SMYD3: variants seen among roughly 807,000 people sequenced by gnomAD.
SMYD3 encodes the protein SET and MYND domain containing 3, also known as histone-lysine N-methyltransferase SMYD3.
In SMYD3, 36 loss-of-function variants were observed where a neutral mutation model predicts 57.7. The observed-to-expected ratio is 0.62, with a 90% CI of 0.48 to 0.82. The LOEUF is 0.82. SMYD3 is among the 40% of genes least tolerant of loss of function. The probability of loss-of-function intolerance (pLI) is 0.00; values close to 1 mark genes in which losing one functional copy is unlikely to be tolerated. For synonymous variants in SMYD3, 211 were observed against 195.0 expected (o/e 1.08, Z -0.68); for missense variants, 515 against 538.8 (o/e 0.96, Z 0.44).
intron 7 of SMYD3, among the ~76,000 whole-genome samples, chr1:245,920,133 G>GA (rs1297028469): frequency 6.6e-6 from 1 of 152,048 alleles, no homozygotes; most frequent in Admixed American, 6.5e-5. Context: ...CTAACACGGT[G>GA]AAACCCCGTC....
intron 5 of SMYD3, among the ~76,000 whole-genome samples, chr1:246,169,696 G>C (rs911132666): frequency 2.0e-5 from 3 of 152,054 alleles, no homozygotes; most frequent in Admixed American, 6.6e-5. Context: ...CTTAGGTCAG[G>C]AGTTTGAGAC....
intron 5 of SMYD3, among the ~76,000 whole-genome samples, chr1:246,310,661 C>CTTT (rs386370347): frequency 1.4e-4 from 10 of 72,216 alleles, no homozygotes; most frequent in African/African-American, 1.7e-4. Flanking sequence ...AAGAGTAAGG[C>CTTT]TTTTTTTTTT....
At chr1:246,468,216 G>A (rs563464719) in intron 1 of SMYD3, among the ~76,000 whole-genome samples, 1 of 150,394 alleles carries the variant, frequency 6.6e-6, no homozygotes, top group South Asian at 2.1e-4. Flanking sequence ...TCCCAGGGAC[G>A]CAAAGATGGT....
chr1:245,995,552 T>C (rs771694132), intron 5 of SMYD3, among the ~76,000 whole-genome samples: 1 of 152,268 alleles, frequency 6.6e-6, no homozygotes, highest in Non-Finnish European at 1.5e-5. Flanking sequence ...CTCTTCTCTT[T>C]GCATTGCCTT....
intron 1 of SMYD3, among the ~76,000 whole-genome samples, chr1:246,429,109 G>T (rs1357404259): frequency 6.7e-6 from 1 of 150,076 alleles, no homozygotes; most frequent in Non-Finnish European, 1.5e-5. Flanking sequence ...AGGTTGCCCA[G>T]AGTTATCTAT....
intron 1 of SMYD3, among the ~76,000 whole-genome samples, chr1:246,447,493 T>C (rs2067566300): frequency 6.6e-6 from 1 of 151,984 alleles, no homozygotes; most frequent in Non-Finnish European, 1.5e-5. Context: ...TCCAGAAGTT[T>C]CTCTCACAAA....
chr1:246,333,509 A>G (rs2065494180), intron 3 of SMYD3, among the ~76,000 whole-genome samples: 1 of 152,190 alleles, frequency 6.6e-6, no homozygotes, highest in African/African-American at 2.4e-5. Flanking sequence ...GCAGCCAACA[A>G]AGGTCTAATA....
At chr1:245,867,101 C>A (rs2051898071) in intron 8 of SMYD3, among the ~76,000 whole-genome samples, 1 of 152,206 alleles carries the variant, frequency 6.6e-6, no homozygotes, top group Non-Finnish European at 1.5e-5. Context: ...AATCAGCTGA[C>A]CTTAAAATAG....
intron 5 of SMYD3, among the ~76,000 whole-genome samples, chr1:246,142,019 T>C (rs1232863506): frequency 6.6e-6 from 1 of 152,222 alleles, no homozygotes; most frequent in East Asian, 1.9e-4. Flanking sequence ...TCACTAAGAA[T>C]CAGGCATCAC....
At position 245,760,553 on chromosome 1, in the gene SMYD3, C is replaced by T. The variant is rs76906550; in HGVS notation, c.1185+3488G>A. Reference sequence around the variant, plus strand: ...TGGTCCATTAACTGTAAACAGCTAACCAGCAGGCCCAGGGGGAGGCTTTTA... The same window carrying T: ...TGGTCCATTAACTGTAAACAGCTAATCAGCAGGCCCAGGGGGAGGCTTTTA... On this transcript the variant is annotated intron_variant, in intron 11 of 11. Coordinates refer to ENST00000490107, the MANE Select transcript of SMYD3 (RefSeq NM_001167740.2). Among the ~76,000 whole-genome samples, 628 of 152,192 alleles carry T rather than the reference C, an allele frequency of 4.1e-3. 4 individuals carry two copies. The highest frequency in any genetic ancestry group is 0.014 in the African/African-American group (594 of 41,532).
chr1:245,951,436 G>T lies in SMYD3; in HGVS notation c.532-21499C>A, dbSNP rs564715564. ...TACAAAAAATTAGCTGGGCGAGGTG[G>T]TGCACGCCTGTAGTCCCAGCTACTC... On this transcript the variant is annotated intron_variant, in intron 5 of 11. Transcript: ENST00000490107. Among the ~76,000 whole-genome samples, 105 of 137,964 alleles carry T rather than the reference G, an allele frequency of 7.6e-4. 21 individuals carry two copies. The highest frequency in any genetic ancestry group is 2.8e-3 in the African/African-American group (95 of 33,372). The allele number at this position is 137,964 out of a possible 152,430, so 90.5% of individuals were successfully genotyped here.
chr1:246,213,194 G>A (rs1335664306), intron 5 of SMYD3, among the ~76,000 whole-genome samples: 1 of 152,126 alleles, frequency 6.6e-6, no homozygotes, highest in African/African-American at 2.4e-5. Flanking sequence ...GATATCACAT[G>A]CTCTTTTTGT....
chr1:245,762,456 A>G (rs1244780742), intron 11 of SMYD3, among the ~76,000 whole-genome samples: 3 of 152,212 alleles, frequency 2.0e-5, no homozygotes, highest in Non-Finnish European at 4.4e-5. Flanking sequence ...TTCACACAGT[A>G]GGCCCTTGAT....
intron 1 of SMYD3, among the ~76,000 whole-genome samples, chr1:246,402,669 G>A (rs960544663): frequency 3.3e-5 from 5 of 152,162 alleles, no homozygotes; most frequent in African/African-American, 1.2e-4. Context: ...TGATGATTAA[G>A]TCTATGTGAG....
chr1:246,415,729 CA>C (rs1306301663), intron 1 of SMYD3, among the ~76,000 whole-genome samples: 6 of 152,264 alleles, frequency 3.9e-5, no homozygotes, highest in African/African-American at 1.4e-4. Flanking sequence ...CGGCTTTCAC[CA>C]TTTTTTCACT....
chr1:246,149,727 C>T (rs1190147279), intron 5 of SMYD3, among the ~76,000 whole-genome samples: 1 of 152,126 alleles, frequency 6.6e-6, no homozygotes, highest in African/African-American at 2.4e-5. Context: ...TCAGACAAAA[C>T]CCCAAAATAT....
At chr1:246,068,874 T>A (rs2060394759) in intron 5 of SMYD3, among the ~76,000 whole-genome samples, 1 of 152,216 alleles carries the variant, frequency 6.6e-6, no homozygotes, top group South Asian at 2.1e-4. Context: ...CTCCAACTTA[T>A]GCCTTACCTT....
chr1:245,955,493 G>A lies in SMYD3; in HGVS notation c.532-25556C>T, dbSNP rs949717749. Among the ~76,000 whole-genome samples the A allele has an allele frequency of 1.4e-4, 21 of 152,006 alleles. No individual in the cohort carries two copies. In the South Asian group the frequency reaches 1.9e-3, roughly 14 times the overall value. On this transcript the variant is annotated intron_variant, in intron 5 of 11. Transcript: ENST00000490107. ...AAATATCTTTTTCACTACTGCGATCGCTCATAATTTTATTCATCCTTTAGG... is the reference window on the plus strand; with the variant it reads ...AAATATCTTTTTCACTACTGCGATCACTCATAATTTTATTCATCCTTTAGG...
intron 10 of SMYD3, among the ~76,000 whole-genome samples, chr1:245,837,124 C>T (rs10924349): frequency 0.24 from 35,932 of 151,596 alleles, 5,470 homozygotes; most frequent in East Asian, 0.66. Flanking sequence ...GTCAGGAGTT[C>T]GAGACCAGCC....
Sources: gnomAD v4.1 joint callset for allele counts (sites outside exome capture counted in the v4.1 genomes callset) on GRCh38, gnomAD v4.1.1 for gene constraint, MANE v1.5 for transcripts, NCBI Gene and HGNC (gene_info 2026-07-23, HGNC 2026-07-21) for gene names.